HMCN1: variants seen among roughly 807,000 people sequenced by gnomAD.
The protein encoded by HMCN1 is hemicentin 1.
A neutral mutation model predicts 625.9 loss-of-function variants in HMCN1; 321 were observed. The observed-to-expected ratio is 0.51, with a 90% CI of 0.47 to 0.56. The LOEUF (loss-of-function observed/expected upper bound fraction) is 0.56. HMCN1 is among the 20% of genes least tolerant of loss of function. The pLI, the probability that HMCN1 is intolerant of heterozygous loss-of-function variation, is 0.00. For missense variants in HMCN1, 6,588 were observed against 6,887.3 expected (o/e 0.96, Z 1.54); for synonymous variants, 2,425 against 2,417.6 (o/e 1.00, Z -0.09).
rs747361477 is a variant in HMCN1 at position 186,128,083 on chromosome 1, G to A, written c.12696G>A (p.Glu4232=). Residue 4232 remains glutamate (E), a synonymous_variant, in exon 83 of 107, where the codon GAG becomes GAA. Transcript: ENST00000271588. ...GTTACTTTTTTTAATTTTAGCTGGA[G>A]GATTCTGGCTTCTATACCTGTGTTG... ...GELILENVVL[E]DSGFYTCVAN... 3.1e-6 allele frequency: 5 copies of A among 1,613,068 alleles called. No homozygotes were observed. The Admixed American group carries it at 5.0e-5, about 16-fold the overall frequency.
At chr1:185,766,491 T>C (rs1232592553) in intron 1 of HMCN1, among the ~76,000 whole-genome samples, 1 of 152,064 alleles carries the variant, frequency 6.6e-6, no homozygotes, top group African/African-American at 2.4e-5. Flanking sequence ...CTTCTGGCCG[T>C]CTCAGGAAAC....
intron 1 of HMCN1, among the ~76,000 whole-genome samples, chr1:185,820,275 G>T (rs990227121): frequency 2.0e-5 from 3 of 151,926 alleles, no homozygotes; most frequent in Admixed American, 6.6e-5. Flanking sequence ...ATTTCTTCTG[G>T]ACCACTTCAC....
chr1:186,187,879 C>A lies in HMCN1; in HGVS notation c.16415-4C>A. 6.2e-7 allele frequency: 1 copy of A among 1,613,676 alleles called. No individual in the cohort carries two copies. The highest frequency in any genetic ancestry group is 1.1e-5 in the South Asian group (1 of 91,076). ...ATGCTGCATGTTCCCTGTGCTGTCC[C>A]TAGATATCGATGAATGTCTGGAGCA... On this transcript the variant is annotated splice_polypyrimidine_tract_variant and splice_region_variant and intron_variant, in intron 105 of 106. Coordinates refer to ENST00000271588, the MANE Select transcript of HMCN1 (RefSeq NM_031935.3).
intron 71 of HMCN1, among the ~76,000 whole-genome samples, chr1:186,110,995 T>TTTTTTTTTTTTTTTTTTC: frequency 7.6e-6 from 1 of 131,104 alleles, no homozygotes. Flanking sequence ...TTTTTTTTTT[T>TTTTTTTTTTTTTTTTTTC]TTTGAGACGG....
chr1:185,948,851 A>G (rs1394212722), intron 11 of HMCN1, among the ~76,000 whole-genome samples: 1 of 151,744 alleles, frequency 6.6e-6, no homozygotes, highest in Non-Finnish European at 1.5e-5. Context: ...GGCTGCTTCA[A>G]GCGGGATTAG....
intron 15 of HMCN1, among the ~76,000 whole-genome samples, chr1:185,971,440 G>C (rs762092310): frequency 6.6e-6 from 1 of 152,104 alleles, no homozygotes; most frequent in African/African-American, 2.4e-5. Context: ...ACATAAAACA[G>C]AGTTCAGTTT....
At chr1:185,967,779 G>C (rs1571633732) in intron 14 of HMCN1, among the ~76,000 whole-genome samples, 1 of 152,154 alleles carries the variant, frequency 6.6e-6, no homozygotes, top group Non-Finnish European at 1.5e-5. Context: ...AACCATAGGG[G>C]TGAGGAGGAA....
At chr1:186,001,863 T>A in intron 28 of HMCN1, 122 bp downstream of exon 28, 1 of 846,768 alleles carries the variant, frequency 1.2e-6, no homozygotes, top group East Asian at 2.7e-5. Context: ...AGTTTCATTC[T>A]ATTATTTTTG....
intron 4 of HMCN1, among the ~76,000 whole-genome samples, chr1:185,881,947 G>A (rs1272001834): frequency 2.6e-5 from 4 of 152,170 alleles, no homozygotes; most frequent in African/African-American, 9.6e-5. Context: ...GATTTTCCCT[G>A]TACTTCCTCT....
intron 66 of HMCN1, 41 bp from the exon 67 acceptor site, chr1:186,094,235 A>C (rs764608526): frequency 7.2e-7 from 1 of 1,396,814 alleles, no homozygotes; most frequent in Non-Finnish European, 1.0e-6. Flanking sequence ...TACTTGTTGT[A>C]TGGGAGCAAG....
At chr1:186,182,395 C>T (rs990553104) in intron 105 of HMCN1, 108 bp downstream of exon 105, 40 of 1,307,542 alleles carry the variant, frequency 3.1e-5, no homozygotes, top group Non-Finnish European at 3.4e-5. Context: ...CCCCTTCTTA[C>T]CCATTCCCGT....
intron 48 of HMCN1, among the ~76,000 whole-genome samples, chr1:186,063,086 A>G (rs1467338961): frequency 7.9e-6 from 1 of 126,802 alleles, no homozygotes; most frequent in Non-Finnish European, 1.6e-5. Context: ...ATATATATAT[A>G]TATATATATA....
In HMCN1 at chr1:185,982,243, G is replaced by A. The variant is rs551534397; in HGVS notation, c.2663-19G>A. 3 of 1,613,434 alleles carry A rather than the reference G, an allele frequency of 1.9e-6. No homozygotes were observed. Among genetic ancestry groups the A allele is most frequent in the African/African-American group, 1.3e-5 (1 of 74,974 alleles). On this transcript the variant is annotated intron_variant, in intron 17 of 106. Coordinates refer to ENST00000271588, the MANE Select transcript of HMCN1 (RefSeq NM_031935.3). ...GGGTGAAATAGAGTTGAAAGTGCCT[G>A]TGCTCTCTCTTGATTTAGTTGCTCC...
intron 58 of HMCN1, 86 bp downstream of exon 58, chr1:186,086,493 A>G: frequency 7.4e-7 from 1 of 1,359,092 alleles, no homozygotes; most frequent in Middle Eastern, 2.1e-4. Context: ...GTATTTCCAA[A>G]CTTTTGTCGT....
intron 97 of HMCN1, among the ~76,000 whole-genome samples, chr1:186,159,630 GTGT>G (rs1375784200): frequency 2.6e-5 from 4 of 152,170 alleles, no homozygotes; most frequent in African/African-American, 4.8e-5. Flanking sequence ...TTAGCATGAA[GTGT>G]TGTTGAATTT....
At chr1:185,748,560 T>C (rs1414460558) in intron 1 of HMCN1, among the ~76,000 whole-genome samples, 1 of 152,248 alleles carries the variant, frequency 6.6e-6, no homozygotes, top group Admixed American at 6.5e-5. Context: ...TTAATCCTTC[T>C]ACATAATAAT....
intron 11 of HMCN1, among the ~76,000 whole-genome samples, chr1:185,961,612 CCTT>C (rs1398202841): frequency 6.6e-6 from 1 of 152,110 alleles, no homozygotes; most frequent in African/African-American, 2.4e-5. Flanking sequence ...TTTGATGGTA[CCTT>C]CTTTGAAGAT....
Position 185,893,383 on chromosome 1 carries a change from A to G in HMCN1, c.622-15954A>G, listed in dbSNP as rs78479097. Among the ~76,000 whole-genome samples, 533 of 152,336 alleles carry G rather than the reference A, an allele frequency of 3.5e-3. 23 individuals are homozygous for G. The East Asian group carries it at 0.082, about 23-fold the overall frequency. On this transcript the variant is annotated intron_variant, in intron 4 of 106. Coordinates refer to ENST00000271588, the MANE Select transcript of HMCN1 (RefSeq NM_031935.3). ...AAATTTATTTTACAATCAGTGGCGT[A>G]TTATATAGGTTGATTGGAAGTGTTT...
chr1:185,977,907 A>G lies in HMCN1; in HGVS notation c.2492A>G (p.Asn831Ser). 6.2e-7 allele frequency: 1 copy of G among 1,613,430 alleles called. No individual in the cohort carries two copies. Among genetic ancestry groups the G allele is most frequent in the Non-Finnish European group, 8.5e-7 (1 of 1,179,558 alleles). ...ACAATCAAATGGCGAAGATTAGACA[A>G]CATGCCAATTTTCTCAAGACCTTTT... is the stretch of plus-strand genomic sequence containing the variant. ...EPTIKWRRLD[N>S]MPIFSRPFSV... Residue 831 changes from asparagine to serine, a missense_variant, in exon 16 of 107, where the codon AAC becomes AGC. Physicochemically the swap from Asn to Ser is conservative, Grantham distance 46 (BLOSUM62 1). Transcript: ENST00000271588.
Sources: gnomAD v4.1 joint callset for allele counts (sites outside exome capture counted in the v4.1 genomes callset) on GRCh38, gnomAD v4.1.1 for gene constraint, MANE v1.5 for transcripts, NCBI Gene and HGNC (gene_info 2026-07-23, HGNC 2026-07-21) for gene names.